Variants in CHRDL1 observed in about 807,000 individuals in gnomAD.
CHRDL1 encodes the protein chordin like 1.
CHRDL1 carries 19 observed loss-of-function variants against 40.9 expected under a neutral mutation model. That is an observed-to-expected ratio of 0.46 (90% CI 0.32 to 0.68). The LOEUF (loss-of-function observed/expected upper bound fraction) is 0.68. Among genes scored for constraint, CHRDL1 ranks in the 30% least tolerant of loss-of-function variants. The probability of loss-of-function intolerance (pLI) is 0.03; values close to 1 mark genes in which losing one functional copy is unlikely to be tolerated. For synonymous variants in CHRDL1, 136 were observed against 123.4 expected, an observed-to-expected ratio of 1.10 and a Z score of -0.68; for missense variants, 329 against 352.1, an observed-to-expected ratio of 0.93 and a Z score of 0.53.
intron 8 of CHRDL1, among the ~76,000 whole-genome samples, chrX:110,693,250 T>C (rs2070316140): frequency 8.9e-6 from 1 of 111,907 alleles, no homozygotes; most frequent in African/African-American, 3.3e-5. Flanking sequence ...CTGTAGCCAG[T>C]TGATCAACTA....
chrX:110,719,968 G>T, intron 5 of CHRDL1, 40 bp from the exon 6 acceptor site: 1 of 951,838 alleles, frequency 1.1e-6, no homozygotes, highest in Non-Finnish European at 1.5e-6. Flanking sequence ...AAGCATCTAG[G>T]ATAAGTGTAA....
chrX:110,737,920 A>T (rs942503647), intron 4 of CHRDL1, among the ~76,000 whole-genome samples: 7 of 111,920 alleles, frequency 6.3e-5, no homozygotes, highest in Non-Finnish European at 1.3e-4. Flanking sequence ...GTCTGGAGAC[A>T]TTTTTGGTTG....
At chrX:110,692,158 C>A (rs1263556931) in intron 8 of CHRDL1, among the ~76,000 whole-genome samples, 2 of 111,354 alleles carry the variant, frequency 1.8e-5, no homozygotes, top group Non-Finnish European at 3.8e-5. Context: ...AGGCAGGATT[C>A]CCAGTGTTAT....
At chrX:110,764,104 T>C (rs1333641197) in intron 2 of CHRDL1, among the ~76,000 whole-genome samples, 1 of 112,137 alleles carries the variant, frequency 8.9e-6, no homozygotes, top group African/African-American at 3.2e-5. Flanking sequence ...GATTTTTTTT[T>C]CTTACTGATT....
intron 8 of CHRDL1, 152 bp from the exon 9 acceptor site, chrX:110,688,955 C>CA (rs1195399043): frequency 2.3e-6 from 1 of 433,406 alleles, no homozygotes; most frequent in Admixed American, 4.2e-5. Context: ...TATCTGTGAC[C>CA]AAAAAACAGC....
intron 2 of CHRDL1, among the ~76,000 whole-genome samples, chrX:110,787,603 GTT>G (rs952673610): frequency 8.0e-5 from 9 of 112,169 alleles, no homozygotes; most frequent in Non-Finnish European, 1.7e-4. Context: ...CAATAGAGAA[GTT>G]CTAAGTGGGC....
chrX:110,758,526 T>G (rs781495385), intron 4 of CHRDL1, among the ~76,000 whole-genome samples: 3 of 111,304 alleles, frequency 2.7e-5, no homozygotes, highest in Non-Finnish European at 5.7e-5. Flanking sequence ...GTGTTTCTTC[T>G]CCATTAAAAA....
intron 4 of CHRDL1, among the ~76,000 whole-genome samples, chrX:110,739,339 T>C (rs2071321398): frequency 1.8e-5 from 2 of 112,034 alleles, no homozygotes; most frequent in South Asian, 7.5e-4. Context: ...CCAGCTACAC[T>C]ACATTCCATA....
chrX:110,789,432 C>T lies in CHRDL1; in HGVS notation c.94+2656G>A, dbSNP rs1437424920. On this transcript the variant is annotated intron_variant, in intron 2 of 11. Transcript: ENST00000372042. ...GCACTTCGACTATTTCTCACAAATA[C>T]TTGAATAAGTGCCTAAAGATGTTCA... is the stretch of plus-strand genomic sequence containing the variant. 6.2e-5 allele frequency among the ~76,000 whole-genome samples: 7 copies of T among 112,023 alleles called. No homozygotes were observed. The East Asian group carries it at 2.0e-3, about 31-fold the overall frequency.
chrX:110,775,993 C>A (rs2089845783), intron 2 of CHRDL1, among the ~76,000 whole-genome samples: 1 of 111,553 alleles, frequency 9.0e-6, no homozygotes, highest in African/African-American at 3.2e-5. Context: ...ATGTGTAGAA[C>A]AGATATGTTC....
At chrX:110,747,771 C>T (rs1311916648) in intron 4 of CHRDL1, among the ~76,000 whole-genome samples, 1 of 112,447 alleles carries the variant, frequency 8.9e-6, no homozygotes, top group African/African-American at 3.2e-5. Flanking sequence ...CAACTCACCA[C>T]CATGCTGACT....
chrX:110,779,859 C>T (rs774201392), intron 2 of CHRDL1, among the ~76,000 whole-genome samples: 2 of 111,499 alleles, frequency 1.8e-5, no homozygotes, highest in South Asian at 7.5e-4. Flanking sequence ...TTTCTTTCAT[C>T]AGAATTTTAT....
intron 6 of CHRDL1, among the ~76,000 whole-genome samples, chrX:110,707,319 A>G (rs2070659389): frequency 8.9e-6 from 1 of 111,989 alleles, no homozygotes; most frequent in South Asian, 3.7e-4. Context: ...ACCAAAAAAG[A>G]GCCCATATAG....
At chrX:110,689,186 C>T (rs1251578425) in intron 8 of CHRDL1, among the ~76,000 whole-genome samples, 2 of 96,785 alleles carry the variant, frequency 2.1e-5, no homozygotes, top group Non-Finnish European at 4.1e-5. Flanking sequence ...CTTGACTTCC[C>T]GGGCTCAGGC....
intron 2 of CHRDL1, among the ~76,000 whole-genome samples, chrX:110,770,785 C>T (rs748523887): frequency 8.9e-6 from 1 of 111,819 alleles, no homozygotes; most frequent in East Asian, 2.8e-4. Context: ...ATGATTAATT[C>T]TTGAAACAAC....
Position 110,676,170 on chromosome X carries a change from CT to C in CHRDL1, c.*60del. The C allele has an allele frequency of 1.8e-6, 2 of 1,137,717 alleles. No individual in the cohort carries two copies. Among genetic ancestry groups the C allele is most frequent in the Non-Finnish European group, 2.4e-6 (2 of 846,968 alleles). 93.8% of individuals were successfully genotyped at this position (1,137,717 alleles called of 1,213,427 possible). On this transcript the variant is annotated 3_prime_UTR_variant, in exon 12 of 12. Transcript: ENST00000372042. ...CACTGTTGACTTAAGCAAAATAAGCCTGCAGTCCAGCTGCAGCTTGAGTTTT... is the reference window on the plus strand; with the variant it reads ...CACTGTTGACTTAAGCAAAATAAGCCGCAGTCCAGCTGCAGCTTGAGTTTT...
intron 4 of CHRDL1, among the ~76,000 whole-genome samples, chrX:110,753,182 C>T (rs188242968): frequency 9.3e-4 from 104 of 111,805 alleles, no homozygotes; most frequent in African/African-American, 2.9e-3. Context: ...GAATGGATAA[C>T]GAAAGTGGTC....
At chrX:110,712,370 G>T (rs2070761535) in intron 6 of CHRDL1, among the ~76,000 whole-genome samples, 1 of 111,088 alleles carries the variant, frequency 9.0e-6, no homozygotes, top group Non-Finnish European at 1.9e-5. Flanking sequence ...CATAACAGGA[G>T]GGAAGGTAGG....
At chrX:110,712,248 T>C (rs1448889134) in intron 6 of CHRDL1, among the ~76,000 whole-genome samples, 1 of 111,826 alleles carries the variant, frequency 8.9e-6, no homozygotes, top group Non-Finnish European at 1.9e-5. Flanking sequence ...GCAAAACTAT[T>C]AGAAGAGGTG....
Sources: gnomAD v4.1 joint callset for allele counts (sites outside exome capture counted in the v4.1 genomes callset) on GRCh38, gnomAD v4.1.1 for gene constraint, MANE v1.5 for transcripts, NCBI Gene and HGNC (gene_info 2026-07-23, HGNC 2026-07-21) for gene names.